VWF: variants seen among roughly 807,000 people sequenced by gnomAD.
VWF encodes the protein Factor VIII related antigen.
A neutral mutation model predicts 308.6 loss-of-function variants in VWF; 176 were observed. The ratio of observed to expected loss-of-function variants is 0.57; its 90% confidence interval spans 0.50 to 0.65. VWF has a LOEUF of 0.65. Ranked by LOEUF, VWF falls within the 30% of genes least tolerant of loss-of-function variation. The probability of loss-of-function intolerance (pLI) is 0.00; values close to 1 mark genes in which losing one functional copy is unlikely to be tolerated. For missense variants in VWF, 3,146 were observed against 3,648.2 expected, an observed-to-expected ratio of 0.86 and a Z score of 3.55; for synonymous variants, 1,385 against 1,443.4, an observed-to-expected ratio of 0.96 and a Z score of 0.92.
Position 6,073,652 on chromosome 12 carries a change from G to C in VWF, c.964C>G (p.Gln322Glu). ...CTGCAGCCATCCACGCATCGCTCCT[G>C]ACACATTTCATTGATGTGCAGGCTC... ...CQSLHINEMC[Q>E]ERCVDGCSCP... is the part of the protein sequence containing the mutation. Residue 322 changes from glutamine (Q) to glutamate (E), a missense_variant, in exon 8 of 52, where the codon CAG becomes GAG. Gln to Glu is a conservative substitution (Grantham distance 29). This residue lies in a region of VWF where 1,304 missense variants were observed against 1,353.0 expected (regional missense o/e 0.96). Transcript: ENST00000261405. 1 of 1,614,120 alleles carries C rather than the reference G, an allele frequency of 6.2e-7. No homozygotes were observed. The highest frequency in any genetic ancestry group is 8.5e-7 in the Non-Finnish European group (1 of 1,180,024).
intron 15 of VWF, among the ~76,000 whole-genome samples, chr12:6,053,253 C>T (rs896795804): frequency 6.6e-6 from 1 of 152,182 alleles, no homozygotes; most frequent in Non-Finnish European, 1.5e-5. Context: ...ATTTATGGAG[C>T]ACCTACTGAA....
At chr12:5,980,604 G>T (rs1474886601) in intron 42 of VWF, among the ~76,000 whole-genome samples, 3 of 152,198 alleles carry the variant, frequency 2.0e-5, no homozygotes, top group Admixed American at 6.5e-5. Flanking sequence ...TGGGCAGGAA[G>T]ACGAGAAGGA....
Position 5,994,309 on chromosome 12 carries a change from C to T in VWF, c.6256+106G>A, listed in dbSNP as rs540729430. The T allele has an allele frequency of 1.0e-5, 16 of 1,590,218 alleles. No individual in the cohort carries two copies. In the African/African-American group the frequency reaches 1.7e-4, roughly 17 times the overall value. On this transcript the variant is annotated intron_variant, in intron 36 of 51. Coordinates refer to ENST00000261405, the MANE Select transcript of VWF (RefSeq NM_000552.5). ...TTGATCCTCACCAGAATCTGACCCT[C>T]GCTACTAGACCCTGAAATATAAGCA...
At chr12:6,102,502 C>T (rs914582007) in intron 5 of VWF, among the ~76,000 whole-genome samples, 3 of 151,984 alleles carry the variant, frequency 2.0e-5, no homozygotes, top group African/African-American at 4.8e-5. Flanking sequence ...TGTGGGAGGC[C>T]GAGGCAGGCG....
Position 6,075,465 on chromosome 12 carries a change from G to A in VWF, c.744C>T (p.Ala248=). 1 of 1,614,160 alleles carries A rather than the reference G, an allele frequency of 6.2e-7. No homozygotes were observed. The highest frequency in any genetic ancestry group is 1.6e-4 in the Middle Eastern group (1 of 6,062). The change falls in exon 7 of 52, where the codon GCC becomes GCT. Residue 248 remains alanine (A), a synonymous_variant. Transcript: ENST00000261405. This position sits in a 1 kb window ranked among gnomAD's most constrained non-coding sequence, Gnocchi z 4.7. The part of the protein sequence containing the change: ...HPLVDPEPFV[A]LCEKTLCECA... ...ACTCACACAAAGTCTTCTCACACAG[G>A]GCCACAAAAGGCTCGGGGTCCACCA...
chr12:5,984,907 G>C, intron 40 of VWF, 138 bp downstream of exon 40: 1 of 853,038 alleles, frequency 1.2e-6, no homozygotes, highest in Non-Finnish European at 1.9e-6. Flanking sequence ...CACTTTTTTG[G>C]AGTATCCAGT....
chr12:6,057,721 G>A, intron 14 of VWF, 128 bp downstream of exon 14: 1 of 1,152,346 alleles, frequency 8.7e-7, no homozygotes, highest in Non-Finnish European at 1.2e-6. Context: ...TAAAAACAAA[G>A]CCCGACCCCT....
At chr12:5,981,643 T>C (rs1403841638) in intron 42 of VWF, 143 bp downstream of exon 42, 2 of 992,968 alleles carry the variant, frequency 2.0e-6, no homozygotes, top group African/African-American at 3.2e-5. Context: ...GATGCAAATC[T>C]TCCATGAGGA....
Position 6,034,801 on chromosome 12 carries a change from A to T in VWF, c.2572T>A (p.Cys858Ser), listed in dbSNP as rs1845232939. 6.2e-7 allele frequency: 1 copy of T among 1,614,114 alleles called. No individual in the cohort carries two copies. Among genetic ancestry groups the T allele is most frequent in the South Asian group, 1.1e-5 (1 of 91,092 alleles). ...GTGGCATCACACACATGGTCTGTGCAGTTCCACTTCCGGTCCTGACAGACA... is the reference window on the plus strand; with the variant it reads ...GTGGCATCACACACATGGTCTGTGCTGTTCCACTTCCGGTCCTGACAGACA... Reference protein sequence around the residue: ...TCVCQDRKWNCTDHVCDATCS... With the variant: ...TCVCQDRKWNSTDHVCDATCS... The change falls in exon 20 of 52, where the codon TGC becomes AGC. Residue 858 changes from cysteine to serine, a missense_variant. By Grantham distance (112) the Cys-to-Ser change is moderately radical. Coordinates refer to ENST00000261405, the MANE Select transcript of VWF (RefSeq NM_000552.5).
intron 5 of VWF, among the ~76,000 whole-genome samples, chr12:6,102,418 G>C (rs940572833): frequency 1.0e-4 from 15 of 149,398 alleles, no homozygotes; most frequent in African/African-American, 3.7e-4. Flanking sequence ...CTCCAGACTG[G>C]GCTACACAGT....
At chr12:6,121,899 C>G (rs762955160) in intron 2 of VWF, among the ~76,000 whole-genome samples, 1 of 151,076 alleles carries the variant, frequency 6.6e-6, no homozygotes, top group Non-Finnish European at 1.5e-5. Flanking sequence ...CCACTGCACT[C>G]TAGACTGGGC....
rs117694786 is a variant in VWF at position 6,120,007 on chromosome 12, A to C, written c.220+1167T>G. 2.6e-4 allele frequency among the ~76,000 whole-genome samples: 40 copies of C among 152,346 alleles called. No homozygotes were observed. The East Asian group carries it at 7.5e-3, about 29-fold the overall frequency. On this transcript the variant is annotated intron_variant, in intron 3 of 51. Transcript: ENST00000261405. ...AGAAGTCATATGTGATAAGTTTCCC[A>C]GCAGAGTCAGGGCAGGTAGCAAAGA... is the stretch of plus-strand genomic sequence containing the variant.
rs1277873576 is a variant in VWF at position 6,018,811 on chromosome 12, T to C, written c.4607A>G (p.His1536Arg). The change falls in exon 28 of 52, where the codon CAC (histidine) becomes CGC (arginine). Residue 1536 changes from histidine (H) to arginine (R), a missense_variant. This residue lies in a region of VWF where 853 missense variants were observed against 1,177.8 expected (regional missense o/e 0.72). Transcript: ENST00000261405. ...GTAGGAGTACTGCAGCACCGTGACG[T>C]GGATGCTGTCCTGGCCCACATCCAT... ...QRMDVGQDSI[H>R]VTVLQYSYMV... The C allele has an allele frequency of 6.2e-7, 1 of 1,613,792 alleles. No individual in the cohort carries two copies. Among genetic ancestry groups the C allele is most frequent in the Non-Finnish European group, 8.5e-7 (1 of 1,179,868 alleles).
At position 6,020,488 on chromosome 12, in the gene VWF, C is replaced by T. The variant is rs1944117536; in HGVS notation, c.3675-745G>A. ...GGCTCTGTGCCCAGCCCCAAGCACACACCACAAGTCTGTAGTAGAGCAGTG... is the reference window on the plus strand; with the variant it reads ...GGCTCTGTGCCCAGCCCCAAGCACATACCACAAGTCTGTAGTAGAGCAGTG... On this transcript the variant is annotated intron_variant, in intron 27 of 51. Transcript: ENST00000261405. This position sits in a 1 kb window ranked among gnomAD's most constrained non-coding sequence, Gnocchi z 4.3. 6.6e-6 allele frequency among the ~76,000 whole-genome samples: 1 copy of T among 152,202 alleles called. No homozygotes were observed. The highest frequency in any genetic ancestry group is 2.1e-4 in the South Asian group (1 of 4,838).
intron 16 of VWF, 43 bp downstream of exon 16, chr12:6,052,500 C>A (rs1729814683): frequency 6.2e-7 from 1 of 1,614,016 alleles, no homozygotes; most frequent in Middle Eastern, 1.7e-4. Context: ...TCCTCCCCAG[C>A]TCTGCTGTTT....
At chr12:5,964,219 A>AATACATACATACATACATACATACATGC (rs1943355372) in intron 47 of VWF, among the ~76,000 whole-genome samples, 11 of 118,234 alleles carry the variant, frequency 9.3e-5, no homozygotes, top group African/African-American at 1.9e-4. Context: ...TCTGTCTAAA[A>AATACATACATACATACATACATACATGC]ATACATACAT....
chr12:6,058,137 AGTTCCCCGGGTG>A lies in VWF; in HGVS notation c.1534-105_1534-94del. 38 of 1,357,030 alleles carry A rather than the reference AGTTCCCCGGGTG, an allele frequency of 2.8e-5. No individual in the cohort carries two copies. The highest frequency in any genetic ancestry group is 3.5e-5 in the Non-Finnish European group (35 of 990,942). 84.1% of individuals were successfully genotyped at this position (1,357,030 alleles called of 1,614,324 possible). On this transcript the variant is annotated intron_variant, in intron 13 of 51. Coordinates refer to ENST00000261405, the MANE Select transcript of VWF (RefSeq NM_000552.5). This position sits in a 1 kb window ranked among gnomAD's most constrained non-coding sequence, Gnocchi z 4.9. ...GAGATGGTTTTAATAAAAAAAAAAA[AGTTCCCCGGGTG>A]AAACATAAATATGAATGTAATAAAA...
chr12:6,121,313 G>T lies in VWF; in HGVS notation c.81C>A (p.Arg27=), dbSNP rs140419498. ...TGCATCGGGCCGTGGATGACCTGCC[G>T]CGAGTTCCTTCTGCACAAAGGGTCC... ...LPGTLCAEGT[R]GRSSTARCSL... Residue 27 remains arginine (R), a synonymous_variant, in exon 3 of 52, where the codon CGC becomes CGA. Transcript: ENST00000261405. 18 of 1,614,014 alleles carry T rather than the reference G, an allele frequency of 1.1e-5. No individual in the cohort carries two copies. The highest frequency in any genetic ancestry group is 1.4e-5 in the Non-Finnish European group (17 of 1,180,040).
intron 47 of VWF, among the ~76,000 whole-genome samples, chr12:5,957,082 A>G (rs888863255): frequency 2.0e-5 from 3 of 152,198 alleles, no homozygotes; most frequent in Non-Finnish European, 2.9e-5. Flanking sequence ...GTGTTTAGAT[A>G]TACAAATGCT....
Sources: allele counts gnomAD v4.1 joint callset (sites outside exome capture counted in the v4.1 genomes callset), GRCh38; gene constraint gnomAD v4.1.1; regional missense constraint gnomAD v4.1.1; non-coding constraint Gnocchi (gnomAD v3.1); transcripts MANE v1.5; gene names NCBI Gene and HGNC (gene_info 2026-07-23, HGNC 2026-07-21).